Variants in HCRT observed in about 807,000 individuals in gnomAD.
The protein encoded by HCRT is hypocretin (orexin) neuropeptide.
A neutral mutation model predicts 5.7 loss-of-function variants in HCRT; 5 were observed. That is an observed-to-expected ratio of 0.87 (90% CI 0.45 to 1.83). The LOEUF (loss-of-function observed/expected upper bound fraction) is 1.83, where lower values mean the gene tolerates loss of function less well. HCRT is among the 40% of genes most tolerant of loss of function. HCRT has a pLI of 0.02. For missense variants in HCRT, 207 were observed against 191.8 expected, an observed-to-expected ratio of 1.08 and a Z score of -0.47; for synonymous variants, 114 against 99.0, an observed-to-expected ratio of 1.15 and a Z score of -0.90.
rs1324964208 is a variant in HCRT at position 42,184,178 on chromosome 17, C to A, written c.372G>T (p.Ala124=). 22 of 1,284,194 alleles carry A rather than the reference C, an allele frequency of 1.7e-5. No homozygotes were observed. The highest frequency in any genetic ancestry group is 4.2e-5 in the Admixed American group (1 of 23,954). 79.5% of individuals were successfully genotyped at this position (1,284,194 alleles called of 1,614,324 possible). A position where few individuals can be genotyped will look rare whatever the true frequency, so the allele number is the denominator to read the frequency against. ...RCSAPAAASV[A]PGGQSGI Reference sequence around the variant, plus strand: ...CTCAGATCCCGGACTGTCCTCCGGGCGCGACGGAGGCGGCGGCCGGGGCGG... The same window carrying A: ...CTCAGATCCCGGACTGTCCTCCGGGAGCGACGGAGGCGGCGGCCGGGGCGG... The change falls in exon 2 of 2, where the codon GCG becomes GCT. Residue 124 remains alanine, a synonymous_variant. Coordinates refer to ENST00000293330, the MANE Select transcript of HCRT (RefSeq NM_001524.1).
At chr17:42,185,225 A>G (rs917178182) in intron 1 of HCRT, 120 bp downstream of exon 1, 14 of 949,008 alleles carry the variant, frequency 1.5e-5, no homozygotes, top group Non-Finnish European at 2.2e-5. Context: ...CCTGCCTCAG[A>G]GCACACCCAG....
rs760038534 is a variant in HCRT at position 42,185,327 on chromosome 17, C to T, written c.21+18G>A. On this transcript the variant is annotated intron_variant, in intron 1 of 1. Transcript: ENST00000293330. ...TTCTCTGGGATGGTGAGTCACCCCT[C>T]CATCCCTGGATCTTTACCTTTGTGG... 4.5e-5 allele frequency: 72 copies of T among 1,613,128 alleles called. No homozygotes were observed. Among genetic ancestry groups the T allele is most frequent in the Admixed American group, 3.8e-4 (23 of 60,000 alleles).
At chr17:42,184,748 T>A (rs928967362) in intron 1 of HCRT, among the ~76,000 whole-genome samples, 1 of 152,240 alleles carries the variant, frequency 6.6e-6, no homozygotes, top group South Asian at 2.1e-4. Context: ...GGAAGCCTTT[T>A]GAGACCCCCT....
chr17:42,184,539 G>T lies in HCRT; in HGVS notation c.22-11C>A. ...GGCGGCCCAGGAGACCTAGGGAGAC[G>T]GAGACAGGGCGCTGGGGGGGTCTTC... is the stretch of plus-strand genomic sequence containing the variant. On this transcript the variant is annotated splice_polypyrimidine_tract_variant and intron_variant, in intron 1 of 1. Transcript: ENST00000293330. 2 of 1,518,330 alleles carry T rather than the reference G, an allele frequency of 1.3e-6. No individual in the cohort carries two copies. The highest frequency in any genetic ancestry group is 1.8e-6 in the Non-Finnish European group (2 of 1,137,194). 94.1% of individuals were successfully genotyped at this position (1,518,330 alleles called of 1,614,324 possible).
At position 42,185,388 on chromosome 17, in the gene HCRT, G is replaced by T; in HGVS notation, c.-23C>A. The T allele has an allele frequency of 6.2e-7, 1 of 1,613,660 alleles. No individual in the cohort carries two copies. The highest frequency in any genetic ancestry group is 8.5e-7 in the Non-Finnish European group (1 of 1,179,558). Reference sequence around the variant, plus strand: ...CATGGTGTCTGGCGCTCAGGGTGGGGTAGCCGGGAAAGGAGATGTCTGTGG... The same window carrying T: ...CATGGTGTCTGGCGCTCAGGGTGGGTTAGCCGGGAAAGGAGATGTCTGTGG... On this transcript the variant is annotated 5_prime_UTR_variant, in exon 1 of 2. Coordinates refer to ENST00000293330, the MANE Select transcript of HCRT (RefSeq NM_001524.1).
intron 1 of HCRT, among the ~76,000 whole-genome samples, chr17:42,184,905 A>C (rs201707480): frequency 6.6e-6 from 1 of 152,152 alleles, no homozygotes; most frequent in East Asian, 1.9e-4. Context: ...AGTCCCCCCA[A>C]CTTCCTCTCC....
intron 1 of HCRT, 48 bp from the exon 2 acceptor site, chr17:42,184,576 G>A (rs2079924631): frequency 6.8e-7 from 1 of 1,475,842 alleles, no homozygotes; most frequent in Non-Finnish European, 8.9e-7. Context: ...CACGGCGCCC[G>A]CCACCAGCTC....
intron 1 of HCRT, among the ~76,000 whole-genome samples, chr17:42,185,088 T>C (rs548509095): frequency 1.3e-5 from 2 of 152,320 alleles, no homozygotes; most frequent in Non-Finnish European, 2.9e-5. Flanking sequence ...TAATTTCTAC[T>C]CTGCAAGGCT....
Position 42,184,350 on chromosome 17 carries a change from C to T in HCRT, c.200G>A (p.Gly67Asp), listed in dbSNP as rs2079923058. 6.3e-7 allele frequency: 1 copy of T among 1,584,452 alleles called. No individual in the cohort carries two copies. ...GCCCGGGGGCCCGGACCTCCGCTTG[C>T]CCAGCGTGAGGATGCCGGCCGCGTG... is the stretch of plus-strand genomic sequence containing the variant. ...GNHAAGILTLGKRRSGPPGLQ... is the reference protein window; with the variant it reads ...GNHAAGILTLDKRRSGPPGLQ... The change falls in exon 2 of 2, where the codon GGC becomes GAC. Residue 67 changes from glycine (G) to aspartate (D), a missense_variant. Physicochemically the swap from Gly to Asp is moderately conservative, Grantham distance 94. Transcript: ENST00000293330.
At position 42,184,281 on chromosome 17, in the gene HCRT, T is replaced by G. The variant is rs903829881; in HGVS notation, c.269A>C (p.His90Pro). The G allele has an allele frequency of 6.9e-7, 1 of 1,448,816 alleles. No individual in the cohort carries two copies. Among genetic ancestry groups the G allele is most frequent in the African/African-American group, 1.5e-5 (1 of 67,162 alleles). 89.7% of individuals were successfully genotyped at this position (1,448,816 alleles called of 1,614,324 possible). Residue 90 changes from histidine to proline, a missense_variant, in exon 2 of 2, where the codon CAC (histidine) becomes CCC (proline). Physicochemically the swap from His to Pro is moderately conservative, Grantham distance 77. Coordinates refer to ENST00000293330, the MANE Select transcript of HCRT (RefSeq NM_001524.1). ...LQRLLQASGN[H>P]AAGILTMGRR... Reference sequence around the variant, plus strand: ...GCCCATGGTCAGGATGCCCGCGGCGTGGTTGCCGCTGGCCTGCAGGAGGCG... The same window carrying G: ...GCCCATGGTCAGGATGCCCGCGGCGGGGTTGCCGCTGGCCTGCAGGAGGCG...
chr17:42,185,219 C>A, intron 1 of HCRT, 126 bp downstream of exon 1: 1 of 895,032 alleles, frequency 1.1e-6, no homozygotes. Flanking sequence ...GGTGCTCCTG[C>A]CTCAGAGCAC....
chr17:42,185,285 G>T, intron 1 of HCRT, 60 bp downstream of exon 1: 1 of 1,531,430 alleles, frequency 6.5e-7, no homozygotes, highest in Admixed American at 1.7e-5. Flanking sequence ...AGCCCTCTGA[G>T]CAAGCACTCT....
At chr17:42,184,592 C>A (rs2079924699) in intron 1 of HCRT, 64 bp from the exon 2 acceptor site, 2 of 1,460,508 alleles carry the variant, frequency 1.4e-6, no homozygotes, top group Admixed American at 2.5e-5. Context: ...AGCTCCCACG[C>A]CCAGGACCTG....
rs762013647 is a variant in HCRT at position 42,184,382 on chromosome 17, C to G, written c.168G>C (p.Ala56=). 1.3e-6 allele frequency: 2 copies of G among 1,598,652 alleles called. No homozygotes were observed. The highest frequency in any genetic ancestry group is 1.7e-6 in the Non-Finnish European group (2 of 1,176,612). Reference sequence around the variant, plus strand: ...TGAGGATGCCGGCCGCGTGATTGCCCGCGCCGTGCAGCAGCTCGTAGAGGC... The same window carrying G: ...TGAGGATGCCGGCCGCGTGATTGCCGGCGCCGTGCAGCAGCTCGTAGAGGC... ...SCRLYELLHG[A]GNHAAGILTL... Residue 56 remains alanine (A), a synonymous_variant, in exon 2 of 2, where the codon GCG becomes GCC. Transcript: ENST00000293330.
Position 42,184,343 on chromosome 17 carries a change from C to T in HCRT, c.207G>A (p.Arg69=). ...HAAGILTLGK[R]RSGPPGLQGR... is the part of the protein sequence containing the mutation. ...CCTGGAGGCCCGGGGGCCCGGACCTCCGCTTGCCCAGCGTGAGGATGCCGG... is the reference window on the plus strand; with the variant it reads ...CCTGGAGGCCCGGGGGCCCGGACCTTCGCTTGCCCAGCGTGAGGATGCCGG... Residue 69 remains arginine, a synonymous_variant, in exon 2 of 2, where the codon CGG becomes CGA. Transcript: ENST00000293330. The T allele has an allele frequency of 6.3e-7, 1 of 1,576,612 alleles. No homozygotes were observed. Among genetic ancestry groups the T allele is most frequent in the Non-Finnish European group, 8.6e-7 (1 of 1,166,932 alleles).
In HCRT at chr17:42,184,445, G is replaced by A. The variant is rs752188193; in HGVS notation, c.105C>T (p.Pro35=). ...TCTTTTGACGACAGCAGTCGGGCAGGGGCTGTGCAGCCGCCCCGGACGACA... is the reference window on the plus strand; with the variant it reads ...TCTTTTGACGACAGCAGTCGGGCAGAGGCTGTGCAGCCGCCCCGGACGACA... ...ALLSSGAAAQ[P]LPDCCRQKTC... Residue 35 remains proline, a synonymous_variant, in exon 2 of 2, where the codon CCC becomes CCT. Transcript: ENST00000293330. The A allele has an allele frequency of 6.3e-7, 1 of 1,596,782 alleles. No homozygotes were observed.
rs777822783 is a variant in HCRT, at chr17:42,184,336, C to G, written c.214G>C (p.Gly72Arg). ...GILTLGKRRS[G>R]PPGLQGRLQR... ...AGCCGACCCTGGAGGCCCGGGGGCC[C>G]GGACCTCCGCTTGCCCAGCGTGAGG... Residue 72 changes from glycine (G) to arginine (R), a missense_variant, in exon 2 of 2, where the codon GGG (glycine) becomes CGG (arginine). Coordinates refer to ENST00000293330, the MANE Select transcript of HCRT (RefSeq NM_001524.1). 8 of 1,566,244 alleles carry G rather than the reference C, an allele frequency of 5.1e-6. No homozygotes were observed. The Admixed American group carries it at 1.3e-4, about 25-fold the overall frequency.
intron 1 of HCRT, 132 bp from the exon 2 acceptor site, chr17:42,184,660 C>A: frequency 3.7e-6 from 5 of 1,333,914 alleles, no homozygotes; most frequent in South Asian, 1.6e-5. Flanking sequence ...TCACTTAGTT[C>A]TCCTTGCTTT....
intron 1 of HCRT, 62 bp from the exon 2 acceptor site, chr17:42,184,590 C>A: frequency 6.8e-7 from 1 of 1,460,442 alleles, no homozygotes; most frequent in Non-Finnish European, 9.0e-7. Flanking sequence ...CCAGCTCCCA[C>A]GCCCAGGACC....
Sources: allele counts gnomAD v4.1 joint callset (sites outside exome capture counted in the v4.1 genomes callset), GRCh38; gene constraint gnomAD v4.1.1; transcripts MANE v1.5; gene names NCBI Gene and HGNC (gene_info 2026-07-23, HGNC 2026-07-21).